The following BANK1 variants were observed in gnomAD, a reference collection of about 807,000 sequenced individuals.
BANK1 encodes B cell scaffold protein with ankyrin repeats 1.
BANK1 carries 95 observed loss-of-function variants against 94.5 expected under a neutral mutation model. The observed-to-expected ratio is 1.00, with a 90% CI of 0.85 to 1.19. BANK1 has a LOEUF of 1.19. Ranked by LOEUF, BANK1 falls within the 50% of genes most tolerant of loss-of-function variation. The probability of loss-of-function intolerance (pLI) is 0.00; values close to 1 mark genes in which losing one functional copy is unlikely to be tolerated. For synonymous variants in BANK1, 334 were observed against 308.4 expected (o/e 1.08, Z -0.87); for missense variants, 987 against 932.2 (o/e 1.06, Z -0.77).
chr4:101,989,451 A>G (rs1460494006), intron 7 of BANK1, among the ~76,000 whole-genome samples: 1 of 151,578 alleles, frequency 6.6e-6, no homozygotes, highest in East Asian at 1.9e-4. Context: ...AAAAAAAAAA[A>G]AAGCTTTTCT....
At chr4:101,791,742 A>G (rs186775647) in intron 1 of BANK1, among the ~76,000 whole-genome samples, 1 of 152,332 alleles carries the variant, frequency 6.6e-6, no homozygotes, top group Admixed American at 6.5e-5. Context: ...ATAGAAATAA[A>G]TTTCTCATAC....
chr4:102,032,295 C>T (rs1345192301), intron 10 of BANK1: 2 of 152,176 alleles, frequency 1.3e-5, no homozygotes, highest in Non-Finnish European at 2.9e-5. Flanking sequence ...TGGCCGTTAT[C>T]TTCCCATCCT....
rs373002022 is a variant in BANK1, at chr4:101,924,948, C to T, written c.1206+6759C>T. Among the ~76,000 whole-genome samples the T allele has an allele frequency of 2.2e-4, 33 of 151,708 alleles. 1 individual carries two copies. In the East Asian group the frequency reaches 3.1e-3, roughly 14 times the overall value. Reference sequence around the variant, plus strand: ...TATTAACTCCTTTACTTCATAACTTCCCTCAATTGAATAATTAGTATTTTA... The same window carrying T: ...TATTAACTCCTTTACTTCATAACTTTCCTCAATTGAATAATTAGTATTTTA... On this transcript the variant is annotated intron_variant, in intron 7 of 16. Coordinates refer to ENST00000322953, the MANE Select transcript of BANK1 (RefSeq NM_017935.5).
At chr4:102,049,053 T>C (rs1727967423) in intron 11 of BANK1, among the ~76,000 whole-genome samples, 1 of 152,230 alleles carries the variant, frequency 6.6e-6, no homozygotes, top group Non-Finnish European at 1.5e-5. Flanking sequence ...TTTGCCAGTG[T>C]GTTTGGAATT....
Position 101,791,021 on chromosome 4 carries a change from C to T in BANK1, c.70+71C>T, listed in dbSNP as rs1317458822. On this transcript the variant is annotated intron_variant, in intron 1 of 16. Transcript: ENST00000322953. ...ACGGGGCTCTGCGGAGACCACGGGC[C>T]ATCGTTAGACAACTGCACTCGGGCA... 3 of 1,250,952 alleles carry T rather than the reference C, an allele frequency of 2.4e-6. No homozygotes were observed. The Admixed American group carries it at 8.9e-5, about 37-fold the overall frequency. 77.5% of individuals were successfully genotyped at this position (1,250,952 alleles called of 1,614,324 possible).
chr4:101,899,493 A>G (rs1419396476), intron 6 of BANK1, among the ~76,000 whole-genome samples: 1 of 152,184 alleles, frequency 6.6e-6, no homozygotes, highest in Admixed American at 6.6e-5. Context: ...GTTTGAATCA[A>G]ATAATACAAA....
chr4:101,862,659 C>T lies in BANK1; in HGVS notation c.758C>T (p.Ala253Val), dbSNP rs1440240050. 4 of 1,599,104 alleles carry T rather than the reference C, an allele frequency of 2.5e-6. No individual in the cohort carries two copies. In the East Asian group the frequency reaches 9.0e-5, roughly 36 times the overall value. The change falls in exon 4 of 17, where the codon GCT (alanine) becomes GTT (valine). Residue 253 changes from alanine to valine, a missense_variant. Ala to Val is a moderately conservative substitution (Grantham distance 64). Coordinates refer to ENST00000322953, the MANE Select transcript of BANK1 (RefSeq NM_017935.5). ...LWNKKVWCMKALEFPAGSVHV... is the reference protein window; with the variant it reads ...LWNKKVWCMKVLEFPAGSVHV... ...AATAAGAAAGTCTGGTGCATGAAAG[C>T]TTTAGGTAAGAATGTTTATGATTTA...
chr4:102,034,539 G>T (rs1324100957), intron 10 of BANK1, among the ~76,000 whole-genome samples: 1 of 152,126 alleles, frequency 6.6e-6, no homozygotes, highest in African/African-American at 2.4e-5. Context: ...TCTTTTCTCA[G>T]TTTAGTGTCT....
intron 2 of BANK1, among the ~76,000 whole-genome samples, chr4:101,844,655 T>C (rs944137575): frequency 2.6e-5 from 4 of 152,214 alleles, no homozygotes; most frequent in African/African-American, 9.7e-5. Flanking sequence ...TTTATTTAAC[T>C]TTTTAAAAAC....
intron 1 of BANK1, among the ~76,000 whole-genome samples, chr4:101,809,385 T>C (rs2148853665): frequency 6.6e-6 from 1 of 152,146 alleles, no homozygotes. Flanking sequence ...AGACTACATA[T>C]TAGGTACAGT....
chr4:101,986,829 ATATG>A (rs1560668123), intron 7 of BANK1, among the ~76,000 whole-genome samples: 2 of 120,580 alleles, frequency 1.7e-5, no homozygotes, highest in East Asian at 4.8e-4. Flanking sequence ...ATGTGTATAT[ATATG>A]TATATATATG....
At chr4:101,861,979 CTT>C (rs1727894686) in intron 3 of BANK1, among the ~76,000 whole-genome samples, 1 of 152,072 alleles carries the variant, frequency 6.6e-6, no homozygotes, top group Non-Finnish European at 1.5e-5. Flanking sequence ...ATGGCAGACA[CTT>C]ACCACAAATA....
chr4:101,865,249 A>C (rs76480039), intron 4 of BANK1, among the ~76,000 whole-genome samples: 4,933 of 152,224 alleles, frequency 0.032, 281 homozygotes, highest in African/African-American at 0.11. Context: ...AAATCTGCTT[A>C]CCTAGAGCAG....
chr4:101,906,433 G>C (rs906292820), intron 6 of BANK1, among the ~76,000 whole-genome samples: 10 of 152,118 alleles, frequency 6.6e-5, no homozygotes, highest in Admixed American at 6.6e-5. Flanking sequence ...AACTAAGAGT[G>C]GTCGTTCAAG....
chr4:101,999,428 G>T (rs1009437226), intron 7 of BANK1, among the ~76,000 whole-genome samples: 10 of 152,084 alleles, frequency 6.6e-5, no homozygotes, highest in Non-Finnish European at 1.2e-4. Context: ...AAAGAAAATG[G>T]ATGTCAATAA....
intron 7 of BANK1, among the ~76,000 whole-genome samples, chr4:101,926,841 C>T (rs1414970764): frequency 1.3e-5 from 2 of 151,630 alleles, no homozygotes; most frequent in Non-Finnish European, 3.0e-5. Flanking sequence ...GAGAAAATGG[C>T]ACAACAAGGG....
At chr4:101,842,629 C>A (rs1024707509) in intron 2 of BANK1, among the ~76,000 whole-genome samples, 1 of 152,190 alleles carries the variant, frequency 6.6e-6, no homozygotes, top group Non-Finnish European at 1.5e-5. Context: ...AGAACTAGAT[C>A]ATTTCTAATT....
At chr4:101,961,409 G>A (rs1479138668) in intron 7 of BANK1, among the ~76,000 whole-genome samples, 3 of 152,132 alleles carry the variant, frequency 2.0e-5, no homozygotes, top group Non-Finnish European at 4.4e-5. Context: ...CACACATGAA[G>A]GGCCACTGGC....
intron 3 of BANK1, among the ~76,000 whole-genome samples, chr4:101,861,192 A>G (rs1329962157): frequency 1.4e-5 from 2 of 139,316 alleles, no homozygotes; most frequent in East Asian, 3.9e-4. Flanking sequence ...TTCCCTGTGG[A>G]AAAATATTTA....
Sources: gnomAD v4.1 joint callset for allele counts (sites outside exome capture counted in the v4.1 genomes callset) on GRCh38, gnomAD v4.1.1 for gene constraint, MANE v1.5 for transcripts, NCBI Gene and HGNC (gene_info 2026-07-23, HGNC 2026-07-21) for gene names.